HSPA4: variants seen among roughly 807,000 people sequenced by gnomAD.
HSPA4 encodes the protein heat shock 70 kDa protein 4.
In HSPA4, 25 loss-of-function variants were observed where a neutral mutation model predicts 106.2. That is an observed-to-expected ratio of 0.24 (90% CI 0.17 to 0.33). The LOEUF (loss-of-function observed/expected upper bound fraction) is 0.33, where lower values mean the gene tolerates loss of function less well. Ranked by LOEUF, HSPA4 falls within the 10% of genes least tolerant of loss-of-function variation. The pLI is 1.00. For missense variants in HSPA4, 841 were observed against 996.0 expected (o/e 0.84, Z 2.10); for synonymous variants, 332 against 333.6 (o/e 1.00, Z 0.05).
At chr5:133,101,566 AGATG>A in intron 16 of HSPA4, 189 bp from the exon 17 acceptor site, 1 of 496,176 alleles carries the variant, frequency 2.0e-6, no homozygotes, top group Non-Finnish European at 3.5e-6. Context: ...AAGCGATTCC[AGATG>A]GATCAGTGTT....
intron 1 of HSPA4, 108 bp from the exon 2 acceptor site, chr5:133,064,872 C>G (rs1581466399): frequency 1.1e-6 from 1 of 950,746 alleles, no homozygotes; most frequent in Non-Finnish European, 1.7e-6. Context: ...TAGATTTGTA[C>G]CATTAAAATA....
intron 7 of HSPA4, among the ~76,000 whole-genome samples, chr5:133,077,199 C>T (rs1765456249): frequency 6.6e-6 from 1 of 152,120 alleles, no homozygotes; most frequent in Non-Finnish European, 1.5e-5. Flanking sequence ...GGCTGTAATG[C>T]AGAATTAAAT....
chr5:133,092,804 GTGTTTTTTT>G lies in HSPA4; in HGVS notation c.1650+17_1650+25del. On this transcript the variant is annotated intron_variant, in intron 13 of 18. Coordinates refer to ENST00000304858, the MANE Select transcript of HSPA4 (RefSeq NM_002154.4). ...AAGAAATGGAGGTATGCATTGGGTG[GTGTTTTTTT>G]TTTTTTTTTTTTTTTTTTTTTTTTT... The G allele has an allele frequency of 4.2e-6, 3 of 717,738 alleles. No homozygotes were observed. Among genetic ancestry groups the G allele is most frequent in the African/African-American group, 2.6e-5 (1 of 38,936 alleles). The allele number at this position is 717,738 out of a possible 1,614,324, so 44.5% of individuals were successfully genotyped here. A position where few individuals can be genotyped will look rare whatever the true frequency, so the allele number is the denominator to read the frequency against.
In HSPA4 at chr5:133,061,540, G is replaced by C. The variant is rs188108688; in HGVS notation, c.108-3440G>C. On this transcript the variant is annotated intron_variant, in intron 1 of 18. Coordinates refer to ENST00000304858, the MANE Select transcript of HSPA4 (RefSeq NM_002154.4). ...TTTAGCAAGGGAAATAAATGTGTTA[G>C]TATTGATAATGTAATTCGGTTTGTG... 6.6e-4 allele frequency among the ~76,000 whole-genome samples: 101 copies of C among 152,288 alleles called. 1 individual carries two copies. Among genetic ancestry groups the C allele is most frequent in the South Asian group, 1.5e-3 (7 of 4,824 alleles).
intron 6 of HSPA4, among the ~76,000 whole-genome samples, chr5:133,074,772 G>C (rs573874888): frequency 1.4e-3 from 206 of 152,300 alleles, no homozygotes; most frequent in Middle Eastern, 3.4e-3. Context: ...TGTACACACA[G>C]AAGTATAGAA....
At chr5:133,069,451 A>G (rs971055250) in intron 3 of HSPA4, among the ~76,000 whole-genome samples, 34 of 152,026 alleles carry the variant, frequency 2.2e-4, no homozygotes, top group African/African-American at 7.0e-4. Flanking sequence ...GGGTTTCACC[A>G]TTTTGGTCAC....
At position 133,088,459 on chromosome 5, in the gene HSPA4, C is replaced by T. The variant is rs779778608; in HGVS notation, c.1041C>T (p.Ile347=). The change falls in exon 9 of 19, where the codon ATC becomes ATT. Residue 347 remains isoleucine (I), a synonymous_variant. Coordinates refer to ENST00000304858, the MANE Select transcript of HSPA4 (RefSeq NM_002154.4). ...AGATAGTTGGTGGTGCTACACGAATCCCTGCGGTAAAAGAGAAGATCAGCA... is the reference window on the plus strand; with the variant it reads ...AGATAGTTGGTGGTGCTACACGAATTCCTGCGGTAAAAGAGAAGATCAGCA... ...AVEIVGGATR[I]PAVKEKISKF... 9 of 1,612,328 alleles carry T rather than the reference C, an allele frequency of 5.6e-6. No homozygotes were observed. The African/African-American group carries it at 1.2e-4, about 22-fold the overall frequency.
At position 133,103,868 on chromosome 5, in the gene HSPA4, G is replaced by A. The variant is rs1428899801; in HGVS notation, c.2161G>A (p.Asp721Asn). 2 of 1,613,104 alleles carry A rather than the reference G, an allele frequency of 1.2e-6. No homozygotes were observed. Among genetic ancestry groups the A allele is most frequent in the Middle Eastern group, 1.7e-4 (1 of 6,056 alleles). ...TTTGACTGTCTCCTGGTTGCAGGAG[G>A]ACCAGTATGATCATTTGGATGCTGC... is the stretch of plus-strand genomic sequence containing the variant. The part of the protein sequence containing the change: ...KIISSFKNKE[D>N]QYDHLDAADM... The change falls in exon 18 of 19, where the codon GAC becomes AAC. Residue 721 changes from aspartate to asparagine, a missense_variant. Around this residue, in one of 5 missense-constraint regions of HSPA4, gnomAD observed 328 missense variants for 372.2 expected, o/e 0.88. Transcript: ENST00000304858.
chr5:133,085,835 A>T (rs1765572666), intron 7 of HSPA4, among the ~76,000 whole-genome samples: 1 of 152,162 alleles, frequency 6.6e-6, no homozygotes, highest in South Asian at 2.1e-4. Context: ...TCTGTATGTT[A>T]CTGAAGTGGT....
chr5:133,091,418 C>G, intron 12 of HSPA4, 44 bp downstream of exon 12: 1 of 1,472,936 alleles, frequency 6.8e-7, no homozygotes, highest in Non-Finnish European at 9.3e-7. Context: ...CCAGAGGTGA[C>G]TTGTCTAGAA....
At chr5:133,069,648 CA>C (rs1196187746) in intron 3 of HSPA4, among the ~76,000 whole-genome samples, 2 of 152,172 alleles carry the variant, frequency 1.3e-5, no homozygotes, top group African/African-American at 4.8e-5. Context: ...TGCATGTCCT[CA>C]TATTAGATTG....
chr5:133,061,624 C>T (rs934984414), intron 1 of HSPA4, among the ~76,000 whole-genome samples: 2 of 151,812 alleles, frequency 1.3e-5, no homozygotes, highest in African/African-American at 4.8e-5. Flanking sequence ...AGGATTACCA[C>T]CCCTCCCCAC....
intron 6 of HSPA4, 113 bp downstream of exon 6, chr5:133,074,239 A>C: frequency 1.8e-6 from 1 of 554,348 alleles, no homozygotes; most frequent in Non-Finnish European, 3.0e-6. Context: ...CATACCTTAC[A>C]GGGTTATTCA....
At chr5:133,070,612 G>A in intron 4 of HSPA4, 116 bp downstream of exon 4, 1 of 1,287,424 alleles carries the variant, frequency 7.8e-7, no homozygotes, top group Non-Finnish European at 1.1e-6. Flanking sequence ...TATTTAAAAT[G>A]TTTGTCAGGC....
chr5:133,098,153 CAT>C (rs1460783735), intron 15 of HSPA4, among the ~76,000 whole-genome samples: 1 of 152,122 alleles, frequency 6.6e-6, no homozygotes, highest in Non-Finnish European at 1.5e-5. Context: ...TAAGGGAAAA[CAT>C]AGCAGTATTT....
At position 133,104,226 on chromosome 5, in the gene HSPA4, A is replaced by G; in HGVS notation, c.2320-7A>G. On this transcript the variant is annotated splice_polypyrimidine_tract_variant and splice_region_variant and intron_variant, in intron 18 of 18. Transcript: ENST00000304858. The stretch of plus-strand genomic sequence containing the variant: ...AAGAAACCAGTTTTCTGTCTTACCC[A>G]TTCCAGGAGCTGACAAGTACTTGTA... 2 of 1,613,280 alleles carry G rather than the reference A, an allele frequency of 1.2e-6. No homozygotes were observed. The highest frequency in any genetic ancestry group is 1.7e-6 in the Non-Finnish European group (2 of 1,179,446).
chr5:133,077,476 G>A (rs1430238019), intron 7 of HSPA4, among the ~76,000 whole-genome samples: 1 of 152,194 alleles, frequency 6.6e-6, no homozygotes, highest in Non-Finnish European at 1.5e-5. Context: ...GACCTCAGGT[G>A]ATCCACCCAC....
intron 1 of HSPA4, among the ~76,000 whole-genome samples, chr5:133,060,816 CTTTTT>C (rs34721359): frequency 2.1e-5 from 2 of 95,154 alleles, no homozygotes; most frequent in African/African-American, 4.1e-5. Flanking sequence ...TGAAACAGGA[CTTTTT>C]TTTTTTTTTT....
At chr5:133,088,625 C>CT in intron 9 of HSPA4, 70 bp downstream of exon 9, 9 of 1,340,050 alleles carry the variant, frequency 6.7e-6, no homozygotes, top group Non-Finnish European at 9.6e-6. Context: ...GTTTATGTAT[C>CT]TAATAACCTG....
Sources: allele counts gnomAD v4.1 joint callset (sites outside exome capture counted in the v4.1 genomes callset), GRCh38; gene constraint gnomAD v4.1.1; regional missense constraint gnomAD v4.1.1; transcripts MANE v1.5; gene names NCBI Gene and HGNC (gene_info 2026-07-23, HGNC 2026-07-21).